PDE10A: variants seen among roughly 807,000 people sequenced by gnomAD.
PDE10A encodes cAMP and cAMP-inhibited cGMP 3',5'-cyclic phosphodiesterase 10A.
PDE10A carries 39 observed loss-of-function variants against 97.7 expected under a neutral mutation model. That is an observed-to-expected ratio of 0.40 (90% CI 0.31 to 0.52). PDE10A has a LOEUF of 0.52. PDE10A is among the 20% of genes least tolerant of loss of function. PDE10A has a pLI of 0.56. For missense variants in PDE10A, 731 were observed against 1,047.8 expected (o/e 0.70, Z 4.17); for synonymous variants, 371 against 376.8 (o/e 0.98, Z 0.18).
rs748383932 is a variant in PDE10A at position 165,662,079 on chromosome 6, G to A, written c.733C>T (p.Pro245Ser). The stretch of plus-strand genomic sequence containing the variant: ...AAGCTGGCGCCCTGGGGACGCCGCG[G>A]AGTTTGGCCGCCGCCGCCTGGGCCG... ...GAGPGGGGQT[P>S]RRPQGASFAL... The change falls in exon 1 of 22, where the codon CCG (proline) becomes TCG (serine). Residue 245 changes from proline (P) to serine (S), a missense_variant. Physicochemically the swap from Pro to Ser is moderately conservative, Grantham distance 74. Around this residue, in one of 8 missense-constraint regions of PDE10A, gnomAD observed 181 missense variants for 159.1 expected, o/e 1.14. Coordinates refer to ENST00000539869, the MANE Select transcript of PDE10A (RefSeq NM_001385079.1). 62 of 1,290,772 alleles carry A rather than the reference G, an allele frequency of 4.8e-5. No individual in the cohort carries two copies. In the South Asian group the frequency reaches 1.1e-3, roughly 22 times the overall value. 80.0% of individuals were successfully genotyped at this position (1,290,772 alleles called of 1,614,324 possible).
intron 2 of PDE10A, among the ~76,000 whole-genome samples, chr6:165,509,148 T>C (rs927935251): frequency 2.0e-5 from 3 of 152,098 alleles, no homozygotes; most frequent in African/African-American, 7.2e-5. Flanking sequence ...TATTGATATA[T>C]ATTATTTTCA....
chr6:165,352,956 T>C (rs958146606), intron 18 of PDE10A, among the ~76,000 whole-genome samples: 6 of 152,124 alleles, frequency 3.9e-5, no homozygotes, highest in Non-Finnish European at 8.8e-5. Flanking sequence ...GATCAAAGAC[T>C]GTTACCACAA....
At chr6:165,394,426 C>T (rs1785975417) in intron 15 of PDE10A, among the ~76,000 whole-genome samples, 1 of 152,084 alleles carries the variant, frequency 6.6e-6, no homozygotes, top group South Asian at 2.1e-4. Context: ...CATAGTATTC[C>T]ATGGTGTGTA....
chr6:165,909,597 C>T (rs1362294448), intron 1 of PDE10A, among the ~76,000 whole-genome samples: 1 of 152,182 alleles, frequency 6.6e-6, no homozygotes, highest in African/African-American at 2.4e-5. Flanking sequence ...ACTGGCTGCC[C>T]CATTGGTTCC....
At chr6:165,793,454 G>A (rs569650821) in intron 1 of PDE10A, among the ~76,000 whole-genome samples, 1 of 152,202 alleles carries the variant, frequency 6.6e-6, no homozygotes, top group African/African-American at 2.4e-5. Context: ...GAGCCTGCGA[G>A]TCCTCTCCCT....
intron 3 of PDE10A, among the ~76,000 whole-genome samples, chr6:165,475,231 CATAAT>C (rs1400597196): frequency 2.6e-5 from 4 of 152,078 alleles, no homozygotes; most frequent in African/African-American, 9.7e-5. Context: ...CTGATTATAA[CATAAT>C]ATAAAATTAA....
chr6:165,532,741 A>C (rs1782857977), intron 2 of PDE10A, among the ~76,000 whole-genome samples: 1 of 152,122 alleles, frequency 6.6e-6, no homozygotes, highest in East Asian at 1.9e-4. Context: ...TGGTCTGGGG[A>C]TCACACTAGT....
At chr6:165,491,397 T>A (rs998073134) in intron 2 of PDE10A, among the ~76,000 whole-genome samples, 7 of 152,150 alleles carry the variant, frequency 4.6e-5, no homozygotes, top group Non-Finnish European at 8.8e-5. Flanking sequence ...CAAATGGATT[T>A]AACAGATATT....
chr6:165,800,988 C>A (rs986611601), intron 1 of PDE10A, among the ~76,000 whole-genome samples: 14 of 152,198 alleles, frequency 9.2e-5, no homozygotes, highest in African/African-American at 3.1e-4. Flanking sequence ...AGAGGTCCCA[C>A]CCCAGATAAA....
chr6:165,907,318 C>G (rs1782318333), intron 1 of PDE10A, among the ~76,000 whole-genome samples: 1 of 152,222 alleles, frequency 6.6e-6, no homozygotes, highest in Non-Finnish European at 1.5e-5. Context: ...GTGGGTAACA[C>G]TGTTCCCAGC....
chr6:165,850,369 G>C (rs1780543112), intron 1 of PDE10A, among the ~76,000 whole-genome samples: 1 of 152,160 alleles, frequency 6.6e-6, no homozygotes, highest in Non-Finnish European at 1.5e-5. Flanking sequence ...GGACTCTCAG[G>C]GTCCGTGGAA....
At chr6:165,405,506 A>G (rs998728871) in intron 13 of PDE10A, among the ~76,000 whole-genome samples, 2 of 152,232 alleles carry the variant, frequency 1.3e-5, no homozygotes, top group African/African-American at 2.4e-5. Context: ...ACTATGGACT[A>G]TGCACTGTTC....
chr6:165,543,363 A>C, intron 2 of PDE10A, 77 bp downstream of exon 2: 8 of 1,251,260 alleles, frequency 6.4e-6, no homozygotes, highest in Non-Finnish European at 9.0e-6. Flanking sequence ...TTCACACTCT[A>C]GAATATATTA....
intron 2 of PDE10A, among the ~76,000 whole-genome samples, chr6:165,489,288 C>T (rs1208171907): frequency 6.6e-6 from 1 of 152,162 alleles, no homozygotes; most frequent in East Asian, 1.9e-4. Flanking sequence ...TGCAGACACT[C>T]CCCAGAGACA....
upstream of PDE10A, among the ~76,000 whole-genome samples, chr6:165,667,215 T>G (rs1249223371): frequency 2.6e-5 from 4 of 152,212 alleles, no homozygotes; most frequent in Non-Finnish European, 5.9e-5. Context: ...TATTTATTTT[T>G]TATTTCCATT....
rs34849813 is a variant in PDE10A, at chr6:165,674,330, GAA to G, written c.-614-130764_-614-130763del. ...GTGCAGCAGGCACTCAGCAGGAAAA[GAA>G]AAAAAAAAAAAGGTGTGGTTCTGTC... On this transcript the variant is annotated intron_variant, in intron 1 of 19. Transcript: ENST00000366882. Among the ~76,000 whole-genome samples the G allele has an allele frequency of 6.7e-4, 94 of 141,342 alleles. 1 individual carries two copies. Among genetic ancestry groups the G allele is most frequent in the Middle Eastern group, 3.8e-3 (1 of 266 alleles). The allele number at this position is 141,342 out of a possible 152,430, so 92.7% of individuals were successfully genotyped here. A position where few individuals can be genotyped will look rare whatever the true frequency, so the allele number is the denominator to read the frequency against.
At chr6:165,376,691 G>C (rs1784623399) in intron 18 of PDE10A, among the ~76,000 whole-genome samples, 1 of 152,170 alleles carries the variant, frequency 6.6e-6, no homozygotes, top group Non-Finnish European at 1.5e-5. Flanking sequence ...GAGGTGGGAG[G>C]ACTGCTTGAG....
At chr6:165,724,363 G>C (rs777155146) in intron 1 of PDE10A, among the ~76,000 whole-genome samples, 1 of 152,120 alleles carries the variant, frequency 6.6e-6, no homozygotes, top group African/African-American at 2.4e-5. Flanking sequence ...ATGTGAACGC[G>C]TGTTGAGAAA....
At chr6:165,955,108 A>T (rs906360382) in intron 1 of PDE10A, among the ~76,000 whole-genome samples, 2 of 151,218 alleles carry the variant, frequency 1.3e-5, no homozygotes, top group African/African-American at 4.9e-5. Context: ...CACGGCCTCT[A>T]TGCCACCACT....
Sources: gnomAD v4.1 joint callset for allele counts (sites outside exome capture counted in the v4.1 genomes callset) on GRCh38, gnomAD v4.1.1 for gene constraint, gnomAD v4.1.1 regional missense constraint, MANE v1.5 for transcripts, NCBI Gene and HGNC (gene_info 2026-07-23, HGNC 2026-07-21) for gene names.